Variants in ACSL3 observed in about 807,000 individuals in gnomAD.
ACSL3 encodes the protein fatty acid CoA ligase Acsl3.
Under a neutral mutation model 84.7 loss-of-function variants are expected in ACSL3, and 34 were observed. The observed-to-expected ratio is 0.40, with a 90% CI of 0.31 to 0.53. ACSL3 has a LOEUF of 0.53. Ranked by LOEUF, ACSL3 falls within the 20% of genes least tolerant of loss-of-function variation. The pLI is 0.48. For synonymous variants in ACSL3, 315 were observed against 299.4 expected (o/e 1.05, Z -0.54); for missense variants, 680 against 873.1 (o/e 0.78, Z 2.79).
chr2:222,870,216 T>G (rs1695263471), intron 1 of ACSL3, among the ~76,000 whole-genome samples: 1 of 152,158 alleles, frequency 6.6e-6, no homozygotes, highest in Non-Finnish European at 1.5e-5. Context: ...TGACTCAGGA[T>G]TTTTGTTACC....
At chr2:222,922,668 A>T in intron 8 of ACSL3, 40 bp from the exon 9 acceptor site, 2 of 1,611,860 alleles carry the variant, frequency 1.2e-6, no homozygotes, top group South Asian at 1.1e-5. Flanking sequence ...GGCATAGACG[A>T]CACCTGACTT....
chr2:222,920,999 C>T, intron 7 of ACSL3: 1 of 541,918 alleles, frequency 1.8e-6, no homozygotes, highest in Non-Finnish European at 3.7e-6. Context: ...GAGACGGTCT[C>T]CAGGCTTTTC....
intron 13 of ACSL3, among the ~76,000 whole-genome samples, chr2:222,929,239 T>C (rs1696960419): frequency 6.6e-6 from 1 of 152,224 alleles, no homozygotes. Flanking sequence ...ATCATAACTT[T>C]ATTTTGCAGA....
chr2:222,888,562 A>G (rs559214410), intron 2 of ACSL3, among the ~76,000 whole-genome samples: 8 of 152,142 alleles, frequency 5.3e-5, no homozygotes, highest in East Asian at 3.9e-4. Flanking sequence ...TCTTTTCAGA[A>G]TCTCATTTCG....
chr2:222,886,329 T>G (rs1695721481), intron 1 of ACSL3, among the ~76,000 whole-genome samples: 1 of 152,196 alleles, frequency 6.6e-6, no homozygotes, highest in Admixed American at 6.5e-5. Context: ...ACGTGTGGTG[T>G]TTCTTTTCTG....
chr2:222,919,023 T>C (rs1253954840), intron 6 of ACSL3, 41 bp from the exon 7 acceptor site: 3 of 1,606,122 alleles, frequency 1.9e-6, no homozygotes, highest in African/African-American at 1.3e-5. Context: ...GCTAAGCTGC[T>C]TGAAAAATAA....
chr2:222,932,362 T>C (rs920750619), intron 14 of ACSL3, among the ~76,000 whole-genome samples: 2 of 152,230 alleles, frequency 1.3e-5, no homozygotes, highest in Non-Finnish European at 2.9e-5. Flanking sequence ...GTAGTCTTGC[T>C]CTGTCGCCCA....
rs775574679 is a variant in ACSL3 at position 222,930,794 on chromosome 2, G to A, written c.1714G>A (p.Gly572Arg). ...TGDIGEFEPD[G>R]CLKIIDRKKD... ...GGATATTGGAGAGTTTGAACCCGATGGATGCTTAAAGATTATTGGTAAGTC... is the reference window on the plus strand; with the variant it reads ...GGATATTGGAGAGTTTGAACCCGATAGATGCTTAAAGATTATTGGTAAGTC... Residue 572 changes from glycine to arginine, a missense_variant, in exon 14 of 17, where the codon GGA (glycine) becomes AGA (arginine). Around this residue, in one of 2 missense-constraint regions of ACSL3, gnomAD observed 347 missense variants for 525.7 expected, o/e 0.66. Transcript: ENST00000357430. 1 of 1,600,962 alleles carries A rather than the reference G, an allele frequency of 6.2e-7. No homozygotes were observed. Among genetic ancestry groups the A allele is most frequent in the Non-Finnish European group, 8.5e-7 (1 of 1,174,416 alleles).
chr2:222,921,565 T>TA (rs1448286399), intron 8 of ACSL3, 135 bp downstream of exon 8: 2 of 840,132 alleles, frequency 2.4e-6, no homozygotes, highest in Non-Finnish European at 3.4e-6. Context: ...CCTTAAAAAA[T>TA]AAAAAAGGAC....
chr2:222,934,471 A>T, intron 15 of ACSL3, 59 bp from the exon 16 acceptor site: 1 of 1,343,164 alleles, frequency 7.4e-7, no homozygotes, highest in Non-Finnish European at 9.8e-7. Context: ...TGTAATAATA[A>T]CTGCAGTCAA....
chr2:222,925,326 T>C (rs1369597470), intron 11 of ACSL3, among the ~76,000 whole-genome samples: 2 of 119,324 alleles, frequency 1.7e-5, no homozygotes, highest in Non-Finnish European at 3.3e-5. Flanking sequence ...GGTGACAGAG[T>C]GCGAGACTCT....
intron 1 of ACSL3, among the ~76,000 whole-genome samples, chr2:222,885,401 T>G (rs2106097725): frequency 6.6e-6 from 1 of 152,328 alleles, no homozygotes; most frequent in East Asian, 1.9e-4. Flanking sequence ...TTAAAAAAAT[T>G]TTAATGTAGG....
Position 222,916,437 on chromosome 2 carries a change from G to T in ACSL3, c.497G>T (p.Cys166Phe). 5 of 1,614,040 alleles carry T rather than the reference G, an allele frequency of 3.1e-6. No homozygotes were observed. Among genetic ancestry groups the T allele is most frequent in the African/African-American group, 1.3e-5 (1 of 75,032 alleles). ...CCAAAGACCAACATCGCCATCTTCT[G>T]TGAGACCAGGGCCGAGTGGATGATA... ...QKPKTNIAIF[C>F]ETRAEWMIAA... The change falls in exon 5 of 17, where the codon TGT becomes TTT. Residue 166 changes from cysteine to phenylalanine, a missense_variant. By Grantham distance (205) the Cys-to-Phe change is radical. Coordinates refer to ENST00000357430, the MANE Select transcript of ACSL3 (RefSeq NM_004457.5).
intron 13 of ACSL3, among the ~76,000 whole-genome samples, chr2:222,929,953 G>A (rs1260104624): frequency 8.7e-6 from 1 of 114,546 alleles, no homozygotes; most frequent in East Asian, 2.8e-4. Flanking sequence ...TTGACACGGA[G>A]TTTTGCTCTT....
chr2:222,931,494 T>G (rs898415875), intron 14 of ACSL3, among the ~76,000 whole-genome samples: 1 of 152,174 alleles, frequency 6.6e-6, no homozygotes, highest in African/African-American at 2.4e-5. Flanking sequence ...ACTGTTCTCT[T>G]CAGTCAGCTT....
chr2:222,928,030 A>G (rs753851079), intron 12 of ACSL3, among the ~76,000 whole-genome samples: 1 of 152,182 alleles, frequency 6.6e-6, no homozygotes, highest in Admixed American at 6.5e-5. Flanking sequence ...AATTTCTTCT[A>G]TTTTTAAGAT....
chr2:222,912,059 T>G (rs1406117974), intron 4 of ACSL3, among the ~76,000 whole-genome samples: 1 of 152,264 alleles, frequency 6.6e-6, no homozygotes, highest in East Asian at 1.9e-4. Flanking sequence ...TTCAGAAGGC[T>G]GTGTCTAGAC....
chr2:222,863,308 T>C (rs772170986), intron 1 of ACSL3, among the ~76,000 whole-genome samples: 12 of 152,184 alleles, frequency 7.9e-5, no homozygotes, highest in Non-Finnish European at 1.8e-4. Flanking sequence ...TGGTGAGATT[T>C]TGCTAGAGGA....
chr2:222,885,990 G>A (rs1362199946), intron 1 of ACSL3, among the ~76,000 whole-genome samples: 1 of 152,006 alleles, frequency 6.6e-6, no homozygotes, highest in Non-Finnish European at 1.5e-5. Flanking sequence ...TGATCCACCC[G>A]TGTCAGCCTC....
Sources: gnomAD v4.1 joint callset for allele counts (sites outside exome capture counted in the v4.1 genomes callset) on GRCh38, gnomAD v4.1.1 for gene constraint, gnomAD v4.1.1 regional missense constraint, MANE v1.5 for transcripts, NCBI Gene and HGNC (gene_info 2026-07-23, HGNC 2026-07-21) for gene names.